The following NCAM2 variants were observed in gnomAD, a reference collection of about 807,000 sequenced individuals.
NCAM2 encodes N-CAM-2.
NCAM2 carries 30 observed loss-of-function variants against 98.1 expected under a neutral mutation model. The observed-to-expected ratio is 0.31, with a 90% CI of 0.23 to 0.41. The LOEUF (loss-of-function observed/expected upper bound fraction) is 0.41, where lower values mean the gene tolerates loss of function less well. Among genes scored for constraint, NCAM2 ranks in the 10% least tolerant of loss-of-function variants. The pLI is 1.00. For synonymous variants in NCAM2, 368 were observed against 342.4 expected (o/e 1.07, Z -0.83); for missense variants, 867 against 1,005.8 (o/e 0.86, Z 1.87).
intron 1 of NCAM2, among the ~76,000 whole-genome samples, chr21:21,091,422 CA>C (rs1439915139): frequency 1.3e-5 from 2 of 151,998 alleles, no homozygotes; most frequent in East Asian, 3.9e-4. Flanking sequence ...TTAATTGACA[CA>C]CAAAAATTGT....
chr21:21,335,500 T>C lies in NCAM2; in HGVS notation c.738-5T>C, dbSNP rs760856839. 103 of 1,580,310 alleles carry C rather than the reference T, an allele frequency of 6.5e-5. No individual in the cohort carries two copies. The highest frequency in any genetic ancestry group is 8.3e-5 in the Non-Finnish European group (97 of 1,166,960). Reference sequence around the variant, plus strand: ...GTGAGGATGAACCTCTTTTTTCTTCTTTAGGAATGGCAAGCTCATTGAAGA... The same window carrying C: ...GTGAGGATGAACCTCTTTTTTCTTCCTTAGGAATGGCAAGCTCATTGAAGA... On this transcript the variant is annotated splice_polypyrimidine_tract_variant and splice_region_variant and intron_variant, in intron 6 of 17. Coordinates refer to ENST00000400546, the MANE Select transcript of NCAM2 (RefSeq NM_004540.5).
chr21:21,495,125 C>G (rs1356688899), intron 15 of NCAM2, among the ~76,000 whole-genome samples: 1 of 150,970 alleles, frequency 6.6e-6, no homozygotes, highest in Non-Finnish European at 1.5e-5. Flanking sequence ...GCAGGGCGGC[C>G]ATGGGGGGCT....
intron 12 of NCAM2, among the ~76,000 whole-genome samples, chr21:21,447,203 C>T (rs1286678388): frequency 6.6e-6 from 1 of 151,950 alleles, no homozygotes; most frequent in Non-Finnish European, 1.5e-5. Flanking sequence ...TCAATACAGA[C>T]ATATAGACCA....
intron 1 of NCAM2, among the ~76,000 whole-genome samples, chr21:21,244,943 A>T (rs575276840): frequency 1.1e-4 from 17 of 152,128 alleles, no homozygotes; most frequent in Admixed American, 3.9e-4. Context: ...GCTTCCTTGA[A>T]TTGAAACTGT....
intron 1 of NCAM2, among the ~76,000 whole-genome samples, chr21:21,020,870 C>T (rs1460156851): frequency 1.3e-5 from 2 of 152,084 alleles, no homozygotes; most frequent in Non-Finnish European, 2.9e-5. Flanking sequence ...AGTAGACTTC[C>T]CTATCTTTAT....
chr21:21,141,235 TATG>T (rs951050531), intron 1 of NCAM2, among the ~76,000 whole-genome samples: 1 of 152,200 alleles, frequency 6.6e-6, no homozygotes, highest in Admixed American at 6.5e-5. Context: ...ACAAACTTGA[TATG>T]ATGAAACAAC....
chr21:21,186,448 A>G (rs1043392103), intron 1 of NCAM2, among the ~76,000 whole-genome samples: 13 of 152,132 alleles, frequency 8.5e-5, no homozygotes, highest in African/African-American at 2.9e-4. Context: ...GAATAATTTT[A>G]TTTTTATAAA....
chr21:21,449,450 A>G (rs1023502456), intron 12 of NCAM2, among the ~76,000 whole-genome samples: 2 of 151,856 alleles, frequency 1.3e-5, no homozygotes, highest in African/African-American at 4.8e-5. Flanking sequence ...TGTACATATG[A>G]TGTTTGCTAG....
chr21:21,423,122 C>T (rs757290118), intron 11 of NCAM2, among the ~76,000 whole-genome samples: 1 of 151,984 alleles, frequency 6.6e-6, no homozygotes, highest in Non-Finnish European at 1.5e-5. Context: ...TAAACCTTAA[C>T]CCTAAATAAA....
At chr21:21,216,752 G>A (rs904682045) in intron 1 of NCAM2, among the ~76,000 whole-genome samples, 1 of 152,154 alleles carries the variant, frequency 6.6e-6, no homozygotes, top group Non-Finnish European at 1.5e-5. Context: ...ACATGACCTT[G>A]GTGAGGATTT....
chr21:21,103,042 A>T (rs1361983125), intron 1 of NCAM2, among the ~76,000 whole-genome samples: 1 of 152,048 alleles, frequency 6.6e-6, no homozygotes, highest in African/African-American at 2.4e-5. Context: ...CAAGGCATAG[A>T]CCCAGACTAA....
chr21:21,398,416 A>G (rs2076560849), intron 9 of NCAM2, among the ~76,000 whole-genome samples: 1 of 152,214 alleles, frequency 6.6e-6, no homozygotes, highest in Non-Finnish European at 1.5e-5. Context: ...TATTGAAATA[A>G]AAAATTAAAA....
intron 2 of NCAM2, among the ~76,000 whole-genome samples, chr21:21,281,003 C>A (rs1198104242): frequency 6.6e-6 from 1 of 152,030 alleles, no homozygotes; most frequent in Non-Finnish European, 1.5e-5. Context: ...GTTGGCCAGG[C>A]TGGTCTCAAA....
At chr21:21,291,899 A>G (rs1198873679) in intron 4 of NCAM2, among the ~76,000 whole-genome samples, 5 of 70,522 alleles carry the variant, frequency 7.1e-5, no homozygotes, top group East Asian at 6.0e-4. Flanking sequence ...TTCTTTTAGG[A>G]AAAAAAAAAA....
At chr21:21,278,778 A>G (rs775106631) in intron 1 of NCAM2, among the ~76,000 whole-genome samples, 1 of 152,140 alleles carries the variant, frequency 6.6e-6, no homozygotes, top group Non-Finnish European at 1.5e-5. Context: ...AAACAGCATA[A>G]TTACCAGGGT....
chr21:21,274,165 G>GAA lies in NCAM2; in HGVS notation c.56-6397_56-6396dup, dbSNP rs199954458. On this transcript the variant is annotated intron_variant, in intron 1 of 17. Coordinates refer to ENST00000400546, the MANE Select transcript of NCAM2 (RefSeq NM_004540.5). ...GGGCGACAAGAGCTAAACTCTGTCT[G>GAA]AAAAAAAAAAAAAAAAATTTTAATC... Among the ~76,000 whole-genome samples, 727 of 136,222 alleles carry GAA rather than the reference G, an allele frequency of 5.3e-3. 11 individuals carry two copies. Among genetic ancestry groups the GAA allele is most frequent in the African/African-American group, 0.019 (697 of 36,774 alleles). The allele number at this position is 136,222 out of a possible 152,430, so 89.4% of individuals were successfully genotyped here.
At chr21:21,077,028 G>A (rs1247750985) in intron 1 of NCAM2, among the ~76,000 whole-genome samples, 3 of 152,076 alleles carry the variant, frequency 2.0e-5, no homozygotes, top group Non-Finnish European at 2.9e-5. Flanking sequence ...GGAGTGGAGA[G>A]GTCAGAAAAG....
At chr21:21,400,722 A>T (rs62207433) in intron 9 of NCAM2, among the ~76,000 whole-genome samples, 1 of 151,776 alleles carries the variant, frequency 6.6e-6, no homozygotes, top group African/African-American at 2.4e-5. Flanking sequence ...AGTAGCAGGG[A>T]TCAAAGGCAC....
chr21:21,066,675 C>T (rs1028283582), intron 1 of NCAM2, among the ~76,000 whole-genome samples: 3 of 151,962 alleles, frequency 2.0e-5, no homozygotes, highest in African/African-American at 7.2e-5. Flanking sequence ...GTTGTTTCGT[C>T]TTTTACTTTA....
Sources: allele counts gnomAD v4.1 joint callset (sites outside exome capture counted in the v4.1 genomes callset), GRCh38; gene constraint gnomAD v4.1.1; transcripts MANE v1.5; gene names NCBI Gene and HGNC (gene_info 2026-07-23, HGNC 2026-07-21).